The following ATXN10 variants were observed in gnomAD, a reference collection of about 807,000 sequenced individuals.
The protein encoded by ATXN10 is ataxin 10, also known as ataxin-10.
In ATXN10, 28 loss-of-function variants were observed where a neutral mutation model predicts 52.9. The observed-to-expected ratio is 0.53, with a 90% CI of 0.39 to 0.73. The LOEUF (loss-of-function observed/expected upper bound fraction) is 0.73, where lower values mean the gene tolerates loss of function less well. Among genes scored for constraint, ATXN10 ranks in the 30% least tolerant of loss-of-function variants. ATXN10 has a pLI of 0.00. For missense variants in ATXN10, 565 were observed against 577.0 expected, an observed-to-expected ratio of 0.98 and a Z score of 0.21; for synonymous variants, 226 against 221.5, an observed-to-expected ratio of 1.02 and a Z score of -0.18.
chr22:45,833,642 C>G lies in ATXN10; in HGVS notation c.1238-9349C>G, dbSNP rs1411500956. ...ATTAGCTAGTTCTAAAGGTATTTTG[C>G]AGAGATAGTTACTCTGACTGGTATC... On this transcript the variant is annotated intron_variant, in intron 10 of 11. Coordinates refer to ENST00000252934, the MANE Select transcript of ATXN10 (RefSeq NM_013236.4). The surrounding 1 kb of genome is among the most constrained non-coding windows in gnomAD (Gnocchi z 4.3). Among the ~76,000 whole-genome samples, 4 of 152,264 alleles carry G rather than the reference C, an allele frequency of 2.6e-5. No homozygotes were observed. Among genetic ancestry groups the G allele is most frequent in the African/African-American group, 9.6e-5 (4 of 41,538 alleles).
In ATXN10 at chr22:45,818,566, G is replaced by A. The variant is rs1489957398; in HGVS notation, c.1237+11544G>A. On this transcript the variant is annotated intron_variant, in intron 10 of 11. Transcript: ENST00000252934. The surrounding 1 kb of genome is among the most constrained non-coding windows in gnomAD (Gnocchi z 4.6). ...CCATGTGGGCGGTCCTTTTTGGTTT[G>A]AAGGTGACCACCCTCGCTTTCAGCG... Among the ~76,000 whole-genome samples the A allele has an allele frequency of 6.6e-6, 1 of 152,196 alleles. No homozygotes were observed. Among genetic ancestry groups the A allele is most frequent in the African/African-American group, 2.4e-5 (1 of 41,448 alleles).
chr22:45,693,197 C>A, intron 3 of ATXN10, 119 bp downstream of exon 3: 1 of 827,000 alleles, frequency 1.2e-6, no homozygotes, highest in Non-Finnish European at 2.0e-6. Flanking sequence ...GATAGGGAAA[C>A]TTTAATAGTG....
chr22:45,788,264 G>A (rs933257228), intron 9 of ATXN10, among the ~76,000 whole-genome samples: 1 of 152,006 alleles, frequency 6.6e-6, no homozygotes, highest in Non-Finnish European at 1.5e-5. Context: ...TCGTCTCTAA[G>A]TGCCTCCCGC....
At chr22:45,730,581 A>G (rs1022093490) in intron 7 of ATXN10, among the ~76,000 whole-genome samples, 2 of 152,060 alleles carry the variant, frequency 1.3e-5, no homozygotes, top group African/African-American at 4.8e-5. Flanking sequence ...TTATAGGTGC[A>G]CACCACCACC....
At position 45,797,875 on chromosome 22, in the gene ATXN10, A is replaced by G. The variant is rs4823232; in HGVS notation, c.1174-9084A>G. Among the ~76,000 whole-genome samples, 949 of 152,352 alleles carry G rather than the reference A, an allele frequency of 6.2e-3. 33 individuals are homozygous for G. In the East Asian group the frequency reaches 0.085, roughly 14 times the overall value. ...CAGCAGTGAAAGAGGAGACATCATT[A>G]TAGATATTACAGACATTAAAAAGAT... is the stretch of plus-strand genomic sequence containing the variant. On this transcript the variant is annotated intron_variant, in intron 9 of 11. Coordinates refer to ENST00000252934, the MANE Select transcript of ATXN10 (RefSeq NM_013236.4).
Position 45,842,105 on chromosome 22 carries a change from A to G in ATXN10, c.1238-886A>G, listed in dbSNP as rs1929362763. Among the ~76,000 whole-genome samples, 1 of 152,182 alleles carries G rather than the reference A, an allele frequency of 6.6e-6. No individual in the cohort carries two copies. Among genetic ancestry groups the G allele is most frequent in the Non-Finnish European group, 1.5e-5 (1 of 68,018 alleles). On this transcript the variant is annotated intron_variant, in intron 10 of 11. Transcript: ENST00000252934. The surrounding 1 kb of genome is among the most constrained non-coding windows in gnomAD (Gnocchi z 4.8). Reference sequence around the variant, plus strand: ...CTCCCTGGATCAGGGTGCCAGGCCCAGTAGGGACACAGCCTCTCTTGGCAG... The same window carrying G: ...CTCCCTGGATCAGGGTGCCAGGCCCGGTAGGGACACAGCCTCTCTTGGCAG...
chr22:45,835,274 G>A lies in ATXN10; in HGVS notation c.1238-7717G>A, dbSNP rs1326114423. Among the ~76,000 whole-genome samples, 10 of 152,298 alleles carry A rather than the reference G, an allele frequency of 6.6e-5. No individual in the cohort carries two copies. The South Asian group carries it at 1.0e-3, about 16-fold the overall frequency. On this transcript the variant is annotated intron_variant, in intron 10 of 11. Coordinates refer to ENST00000252934, the MANE Select transcript of ATXN10 (RefSeq NM_013236.4). This position sits in a 1 kb window ranked among gnomAD's most constrained non-coding sequence, Gnocchi z 5.0. ...TCATGGGTCCTGCTTTGCCTGGCGC[G>A]GGCGCTTGAGCTTTCACATCTGGGA...
At chr22:45,761,155 T>G (rs1926374923) in intron 9 of ATXN10, among the ~76,000 whole-genome samples, 1 of 152,214 alleles carries the variant, frequency 6.6e-6, no homozygotes, top group African/African-American at 2.4e-5. Context: ...GGAGTCTTGC[T>G]CTGTCGCCAG....
rs1404269483 is a variant in ATXN10 at position 45,775,703 on chromosome 22, A to C, written c.1174-31256A>C. Among the ~76,000 whole-genome samples, 1 of 152,178 alleles carries C rather than the reference A, an allele frequency of 6.6e-6. No individual in the cohort carries two copies. The highest frequency in any genetic ancestry group is 2.4e-5 in the African/African-American group (1 of 41,428). On this transcript the variant is annotated intron_variant, in intron 9 of 11. Transcript: ENST00000252934. The surrounding 1 kb of genome is among the most constrained non-coding windows in gnomAD (Gnocchi z 4.7). ...TATTGTTATTGAGAGAGATTTAGTG[A>C]AAAACAGCGGTTGAGTAGTTTCCAT...
chr22:45,722,714 C>T (rs1021907084), intron 6 of ATXN10, among the ~76,000 whole-genome samples: 1 of 152,016 alleles, frequency 6.6e-6, no homozygotes, highest in Non-Finnish European at 1.5e-5. Context: ...TCCGCTTGGA[C>T]CCCCGGAGTC....
At chr22:45,716,111 TAAAA>T (rs1200739079) in intron 5 of ATXN10, among the ~76,000 whole-genome samples, 2 of 151,658 alleles carry the variant, frequency 1.3e-5, no homozygotes, top group African/African-American at 4.8e-5. Context: ...AAAATAAAAA[TAAAA>T]AAAGCTGCGT....
At chr22:45,802,376 A>T (rs746585212) in intron 9 of ATXN10, among the ~76,000 whole-genome samples, 2 of 152,238 alleles carry the variant, frequency 1.3e-5, no homozygotes, top group Non-Finnish European at 2.9e-5. Flanking sequence ...TCCTGCCCCA[A>T]CATTAGCTTG....
intron 9 of ATXN10, among the ~76,000 whole-genome samples, chr22:45,742,534 A>T (rs1231694369): frequency 1.3e-5 from 2 of 152,130 alleles, no homozygotes; most frequent in Non-Finnish European, 2.9e-5. Context: ...CTAAAATAAA[A>T]AAAAAAAAAT....
At chr22:45,813,609 C>T (rs1928360652) in intron 10 of ATXN10, among the ~76,000 whole-genome samples, 1 of 152,038 alleles carries the variant, frequency 6.6e-6, no homozygotes, top group African/African-American at 2.4e-5. Flanking sequence ...GGCATCAGTC[C>T]TGTGGCCAGG....
chr22:45,738,044 G>A (rs769514302), intron 7 of ATXN10, among the ~76,000 whole-genome samples: 1 of 152,024 alleles, frequency 6.6e-6, no homozygotes, highest in South Asian at 2.1e-4. Context: ...TAAAAATGGG[G>A]TTCAAAATCT....
intron 5 of ATXN10, chr22:45,703,859 A>T (rs1036552389): frequency 2.6e-5 from 4 of 152,288 alleles, no homozygotes; most frequent in African/African-American, 7.2e-5. Flanking sequence ...AACCTGTCCC[A>T]TGACAGCCTC....
intron 9 of ATXN10, among the ~76,000 whole-genome samples, chr22:45,804,997 A>G (rs900039805): frequency 1.4e-4 from 22 of 152,182 alleles, no homozygotes; most frequent in African/African-American, 4.6e-4. Context: ...TCCATCAGCA[A>G]TCTTCTCCAC....
intron 9 of ATXN10, among the ~76,000 whole-genome samples, chr22:45,741,772 A>G (rs1925545829): frequency 6.6e-6 from 1 of 152,226 alleles, no homozygotes; most frequent in African/African-American, 2.4e-5. Flanking sequence ...TCAAATAGCA[A>G]TTATAAACTT....
At position 45,820,636 on chromosome 22, in the gene ATXN10, A is replaced by G. The variant is rs897990495; in HGVS notation, c.1237+13614A>G. On this transcript the variant is annotated intron_variant, in intron 10 of 11. Coordinates refer to ENST00000252934, the MANE Select transcript of ATXN10 (RefSeq NM_013236.4). This position sits in a 1 kb window ranked among gnomAD's most constrained non-coding sequence, Gnocchi z 4.9. ...GTATAAAAATAAAGCTAACTTTTAG[A>G]TGTGCTCACCTTTTCAACTCTTACC... 6.6e-6 allele frequency among the ~76,000 whole-genome samples: 1 copy of G among 152,198 alleles called. No homozygotes were observed. The highest frequency in any genetic ancestry group is 2.4e-5 in the African/African-American group (1 of 41,438).
Sources: allele counts gnomAD v4.1 joint callset (sites outside exome capture counted in the v4.1 genomes callset), GRCh38; gene constraint gnomAD v4.1.1; non-coding constraint Gnocchi (gnomAD v3.1); transcripts MANE v1.5; gene names NCBI Gene and HGNC (gene_info 2026-07-23, HGNC 2026-07-21).